IGSF11: variants seen among roughly 807,000 people sequenced by gnomAD.
IGSF11 encodes the protein immunoglobulin superfamily member 11, also known as CXADR like 1.
Under a neutral mutation model 41.0 loss-of-function variants are expected in IGSF11, and 22 were observed. The observed-to-expected ratio is 0.54, with a 90% CI of 0.38 to 0.77. The LOEUF is 0.77. Among genes scored for constraint, IGSF11 ranks in the 30% least tolerant of loss-of-function variants. IGSF11 has a pLI of 0.00. For missense variants in IGSF11, 444 were observed against 530.8 expected (o/e 0.84, Z 1.61); for synonymous variants, 219 against 201.3 (o/e 1.09, Z -0.74).
chr3:119,086,843 A>G (rs922039037), intron 1 of IGSF11, among the ~76,000 whole-genome samples: 1 of 152,216 alleles, frequency 6.6e-6, no homozygotes, highest in Non-Finnish European at 1.5e-5. Flanking sequence ...GCAACTACTT[A>G]ATCAAGTCTA....
chr3:119,135,636 A>G (rs1239244321), intron 1 of IGSF11, among the ~76,000 whole-genome samples: 1 of 152,202 alleles, frequency 6.6e-6, no homozygotes, highest in Admixed American at 6.5e-5. Context: ...TAGTTCAATC[A>G]TTGTGGAAGA....
intron 1 of IGSF11, among the ~76,000 whole-genome samples, chr3:119,000,908 C>G (rs976207374): frequency 1.3e-5 from 2 of 152,098 alleles, no homozygotes; most frequent in South Asian, 2.1e-4. Flanking sequence ...TTTGTTTCAC[C>G]CAAAGTAAAA....
At chr3:119,107,291 G>A (rs9838723), upstream of IGSF11, among the ~76,000 whole-genome samples, 2,665 of 152,314 alleles carry the variant, frequency 0.017, 81 homozygotes, top group African/African-American at 0.061. Flanking sequence ...TAACTGGTGT[G>A]AGATGGTATC....
chr3:119,049,808 T>C (rs1239854480), intron 1 of IGSF11, among the ~76,000 whole-genome samples: 2 of 149,820 alleles, frequency 1.3e-5, no homozygotes, highest in Non-Finnish European at 3.0e-5. Flanking sequence ...GAGATGTAGA[T>C]CAATGGAACA....
Position 119,083,992 on chromosome 3 carries a change from C to T in IGSF11, c.49+21152G>A, listed in dbSNP as rs767187006. 8.7e-4 allele frequency among the ~76,000 whole-genome samples: 133 copies of T among 152,106 alleles called. No homozygotes were observed. In the Middle Eastern group the frequency reaches 0.014, roughly 16 times the overall value. Reference sequence around the variant, plus strand: ...ATTGCCCAAGGACCTTCCAGTGAGACAAAATATGGAGATGGAAGACAGTGA... The same window carrying T: ...ATTGCCCAAGGACCTTCCAGTGAGATAAAATATGGAGATGGAAGACAGTGA... On this transcript the variant is annotated intron_variant, in intron 1 of 6. Transcript: ENST00000354673.
chr3:119,050,983 CT>C, intron 1 of IGSF11, among the ~76,000 whole-genome samples: 1 of 99,290 alleles, frequency 1.0e-5, no homozygotes, highest in African/African-American at 4.0e-5. Flanking sequence ...ACATCACACT[CT>C]GGGGAGTGTT....
At chr3:119,118,197 C>T (rs1396244643) in intron 1 of IGSF11, among the ~76,000 whole-genome samples, 2 of 152,238 alleles carry the variant, frequency 1.3e-5, no homozygotes, top group East Asian at 1.9e-4. Flanking sequence ...TCTGACCCCA[C>T]ATTTCCCTTC....
intron 1 of IGSF11, among the ~76,000 whole-genome samples, chr3:119,085,509 C>T (rs546196753): frequency 6.6e-6 from 1 of 152,286 alleles, no homozygotes; most frequent in African/African-American, 2.4e-5. Context: ...AATGAGCCCA[C>T]TAGGTCCCCA....
At chr3:119,055,622 T>TAAGAGACATCTACAGAACTCTCA (rs1941801748) in intron 1 of IGSF11, among the ~76,000 whole-genome samples, 1 of 152,176 alleles carries the variant, frequency 6.6e-6, no homozygotes, top group Non-Finnish European at 1.5e-5. Flanking sequence ...CAAGCAGACC[T>TAAGAGACATCTACAGAACTCTCA]AAGAGACATC....
intron 1 of IGSF11, among the ~76,000 whole-genome samples, chr3:119,008,511 A>C (rs1424315902): frequency 6.6e-6 from 1 of 152,210 alleles, no homozygotes; most frequent in African/African-American, 2.4e-5. Context: ...AGAATCAGGG[A>C]AACAAGGAGG....
chr3:118,952,985 T>C (rs1053752417), intron 1 of IGSF11, among the ~76,000 whole-genome samples: 8 of 152,110 alleles, frequency 5.3e-5, no homozygotes, highest in East Asian at 3.8e-4. Context: ...TTGTGAGATT[T>C]TGGTGCACCC....
intron 1 of IGSF11, among the ~76,000 whole-genome samples, chr3:119,116,876 T>C (rs561735180): frequency 6.0e-4 from 91 of 152,266 alleles, no homozygotes; most frequent in African/African-American, 1.9e-3. Flanking sequence ...CCCACTCCTG[T>C]AGCCCCACCC....
At chr3:119,141,716 A>C (rs1384464964) in intron 1 of IGSF11, among the ~76,000 whole-genome samples, 1 of 151,190 alleles carries the variant, frequency 6.6e-6, no homozygotes. Flanking sequence ...CATTCTCAGA[A>C]AGGCTTAAAT....
At chr3:119,139,116 A>C (rs1414901109) in intron 1 of IGSF11, among the ~76,000 whole-genome samples, 4 of 152,222 alleles carry the variant, frequency 2.6e-5, no homozygotes, top group African/African-American at 9.6e-5. Flanking sequence ...GTATCAAAAT[A>C]TCTCATTTAA....
intron 4 of IGSF11, among the ~76,000 whole-genome samples, chr3:118,912,301 A>G (rs1235324765): frequency 6.6e-6 from 1 of 152,170 alleles, no homozygotes; most frequent in Non-Finnish European, 1.5e-5. Flanking sequence ...GTGAGAAACA[A>G]CTGTGCTTAT....
chr3:118,966,092 G>A (rs1468617436), intron 1 of IGSF11, among the ~76,000 whole-genome samples: 1 of 151,936 alleles, frequency 6.6e-6, no homozygotes, highest in African/African-American at 2.4e-5. Context: ...TGATGCAAAT[G>A]TAATCAAAAC....
chr3:119,095,718 G>A (rs1393641415), intron 1 of IGSF11, among the ~76,000 whole-genome samples: 2 of 152,210 alleles, frequency 1.3e-5, no homozygotes, highest in Non-Finnish European at 2.9e-5. Context: ...GCCTACACAT[G>A]CAGTAGGTTG....
At chr3:119,032,206 C>T (rs35859) in intron 1 of IGSF11, among the ~76,000 whole-genome samples, 121,428 of 152,144 alleles carry the variant, frequency 0.8, 48,752 homozygotes, top group African/African-American at 0.89. Flanking sequence ...TGGTTATTTA[C>T]CTAGCATCCA....
chr3:119,033,142 T>G (rs1361878307), intron 1 of IGSF11, among the ~76,000 whole-genome samples: 2 of 152,214 alleles, frequency 1.3e-5, no homozygotes, highest in Non-Finnish European at 2.9e-5. Context: ...AAAAACAAAC[T>G]ATACACAAAT....
Sources: allele counts gnomAD v4.1 joint callset (sites outside exome capture counted in the v4.1 genomes callset), GRCh38; gene constraint gnomAD v4.1.1; transcripts MANE v1.5; gene names NCBI Gene and HGNC (gene_info 2026-07-23, HGNC 2026-07-21).